KIF26B: variants seen among roughly 807,000 people sequenced by gnomAD.
The protein encoded by KIF26B is kinesin-like protein KIF26B.
KIF26B carries 63 observed loss-of-function variants against 151.2 expected under a neutral mutation model. That is an observed-to-expected ratio of 0.42 (90% CI 0.34 to 0.51). The LOEUF (loss-of-function observed/expected upper bound fraction) is 0.51, where lower values mean the gene tolerates loss of function less well. KIF26B is among the 20% of genes least tolerant of loss of function. The probability of loss-of-function intolerance (pLI) is 0.07; values close to 1 mark genes in which losing one functional copy is unlikely to be tolerated. For synonymous variants in KIF26B, 1,357 were observed against 1,262.1 expected (o/e 1.08, Z -1.59); for missense variants, 2,813 against 2,913.6 (o/e 0.97, Z 0.79).
chr1:245,419,785 C>T, intron 4 of KIF26B, 40 bp downstream of exon 4: 1 of 1,554,594 alleles, frequency 6.4e-7, no homozygotes, highest in East Asian at 2.3e-5. Context: ...TTCCGATGAG[C>T]CCAGCTGGTT....
chr1:245,229,938 G>T (rs568286882), intron 2 of KIF26B, among the ~76,000 whole-genome samples: 2 of 152,114 alleles, frequency 1.3e-5, no homozygotes, highest in South Asian at 2.1e-4. Flanking sequence ...TTCGAGACCA[G>T]CCTGGCCAAC....
chr1:245,634,880 T>G (rs1395957739), intron 9 of KIF26B, among the ~76,000 whole-genome samples: 3 of 152,068 alleles, frequency 2.0e-5, no homozygotes, highest in Non-Finnish European at 4.4e-5. Context: ...GCCCAGCTAA[T>G]TTTTTATACT....
intron 5 of KIF26B, among the ~76,000 whole-genome samples, chr1:245,595,051 A>T (rs987293171): frequency 6.6e-6 from 1 of 152,200 alleles, no homozygotes; most frequent in Non-Finnish European, 1.5e-5. Flanking sequence ...TTATCAGCTT[A>T]AGGAGATTTT....
At chr1:245,181,669 A>G (rs950659802) in intron 2 of KIF26B, among the ~76,000 whole-genome samples, 2 of 152,104 alleles carry the variant, frequency 1.3e-5, no homozygotes, top group African/African-American at 4.8e-5. Flanking sequence ...ACAGGTTTCA[A>G]AGTACTTCAT....
In KIF26B at chr1:245,687,016, G is replaced by A. The variant is rs1558271675; in HGVS notation, c.4033G>A (p.Glu1345Lys). 6.2e-7 allele frequency: 1 copy of A among 1,613,376 alleles called. No individual in the cohort carries two copies. The highest frequency in any genetic ancestry group is 1.7e-5 in the Admixed American group (1 of 59,974). The change falls in exon 12 of 15, where the codon GAG (glutamate) becomes AAG (lysine). Residue 1345 changes from glutamate (E) to lysine (K), a missense_variant. Physicochemically the swap from Glu to Lys is moderately conservative, Grantham distance 56 (BLOSUM62 1). Around this residue, in one of 3 missense-constraint regions of KIF26B, gnomAD observed 2,060 missense variants for 2,088.6 expected, o/e 0.99. Coordinates refer to ENST00000407071, the MANE Select transcript of KIF26B (RefSeq NM_018012.4). The surrounding 1 kb of genome is among the most constrained non-coding windows in gnomAD (Gnocchi z 4.9). ...CCCCGACAACTTGCTCATCCTGTCT[G>A]AGATGGGAGATGACTCTTTCAACAA... ...ASPDNLLILSEMGDDSFNKAA... is the reference protein window; with the variant it reads ...ASPDNLLILSKMGDDSFNKAA...
At chr1:245,381,441 C>T (rs1340987356) in intron 3 of KIF26B, among the ~76,000 whole-genome samples, 1 of 152,192 alleles carries the variant, frequency 6.6e-6, no homozygotes, top group East Asian at 1.9e-4. Context: ...GAACGCAGCC[C>T]AACACGAGTT....
chr1:245,520,607 C>CCAT (rs1558197351), intron 4 of KIF26B, among the ~76,000 whole-genome samples: 2,037 of 107,368 alleles, frequency 0.019, 28 homozygotes, highest in South Asian at 0.049. Flanking sequence ...CATCCACCCA[C>CCAT]CCACCCATCC....
chr1:245,405,117 C>CTT (rs1674103111), intron 3 of KIF26B, among the ~76,000 whole-genome samples: 2 of 152,184 alleles, frequency 1.3e-5, no homozygotes, highest in Admixed American at 1.3e-4. Context: ...TGTCATGGGT[C>CTT]TGGTGACGAG....
intron 3 of KIF26B, among the ~76,000 whole-genome samples, chr1:245,409,255 T>C (rs1199928521): frequency 6.6e-6 from 1 of 152,214 alleles, no homozygotes; most frequent in Non-Finnish European, 1.5e-5. Context: ...AAGCCACACA[T>C]GTTGGAACTA....
chr1:245,668,934 G>A (rs1384430659), intron 10 of KIF26B, among the ~76,000 whole-genome samples: 1 of 151,942 alleles, frequency 6.6e-6, no homozygotes, highest in Non-Finnish European at 1.5e-5. Flanking sequence ...CAGGTGATCC[G>A]CCTGCCTCAG....
At chr1:245,340,397 C>CT (rs574555533) in intron 2 of KIF26B, among the ~76,000 whole-genome samples, 437 of 145,372 alleles carry the variant, frequency 3.0e-3, no homozygotes, top group Middle Eastern at 7.3e-3. Context: ...CGCAACCATC[C>CT]TTTTTTTTTT....
At chr1:245,309,348 G>A (rs191456217) in intron 2 of KIF26B, among the ~76,000 whole-genome samples, 9 of 152,104 alleles carry the variant, frequency 5.9e-5, no homozygotes, top group Admixed American at 2.0e-4. Context: ...CCAATCGGTC[G>A]AAGGCCTGAG....
intron 4 of KIF26B, among the ~76,000 whole-genome samples, chr1:245,453,290 A>G (rs1296109541): frequency 6.6e-6 from 1 of 152,232 alleles, no homozygotes; most frequent in Non-Finnish European, 1.5e-5. Flanking sequence ...TAAGAGCCAT[A>G]CAGAAGCCTG....
At chr1:245,349,770 G>T (rs1026046099) in intron 2 of KIF26B, among the ~76,000 whole-genome samples, 3 of 152,074 alleles carry the variant, frequency 2.0e-5, no homozygotes, top group Non-Finnish European at 4.4e-5. Flanking sequence ...GAAAGATCTG[G>T]TATTAATCAA....
intron 9 of KIF26B, among the ~76,000 whole-genome samples, chr1:245,613,156 C>T (rs1416234338): frequency 6.6e-6 from 1 of 152,164 alleles, no homozygotes. Flanking sequence ...TGGCTCCCAG[C>T]GCTTTCTGCA....
At chr1:245,194,149 A>C (rs943286803) in intron 2 of KIF26B, among the ~76,000 whole-genome samples, 3 of 152,232 alleles carry the variant, frequency 2.0e-5, no homozygotes, top group Non-Finnish European at 2.9e-5. Context: ...ATATAAGGCC[A>C]TTATCTCGTC....
intron 9 of KIF26B, among the ~76,000 whole-genome samples, chr1:245,629,205 C>G (rs1260627153): frequency 6.6e-6 from 1 of 152,042 alleles, no homozygotes. Context: ...CTATTCCCAT[C>G]AAACTACACT....
At chr1:245,477,993 C>T (rs1285728421) in intron 4 of KIF26B, among the ~76,000 whole-genome samples, 1 of 151,878 alleles carries the variant, frequency 6.6e-6, no homozygotes, top group Non-Finnish European at 1.5e-5. Flanking sequence ...CACCCACACA[C>T]GTCCCTCTTC....
intron 2 of KIF26B, among the ~76,000 whole-genome samples, chr1:245,182,633 T>C (rs576423455): frequency 2.6e-5 from 4 of 152,254 alleles, no homozygotes; most frequent in African/African-American, 9.6e-5. Flanking sequence ...ATGTTTAACA[T>C]TTTGAGAAAC....
Sources: allele counts gnomAD v4.1 joint callset (sites outside exome capture counted in the v4.1 genomes callset), GRCh38; gene constraint gnomAD v4.1.1; regional missense constraint gnomAD v4.1.1; non-coding constraint Gnocchi (gnomAD v3.1); transcripts MANE v1.5; gene names NCBI Gene and HGNC (gene_info 2026-07-23, HGNC 2026-07-21).